Variants in CHD7 observed in about 807,000 individuals in gnomAD.
CHD7 encodes the protein chromodomain helicase DNA binding protein 7, also known as ATP-dependent chromatin remodeler CHD7.
A neutral mutation model predicts 307.3 loss-of-function variants in CHD7; 24 were observed. The ratio of observed to expected loss-of-function variants is 0.08; its 90% CI spans 0.06 to 0.11. CHD7 has a LOEUF of 0.11. Among genes scored for constraint, CHD7 ranks in the 10% least tolerant of loss-of-function variants. The probability of loss-of-function intolerance (pLI) is 1.00; values close to 1 mark genes in which losing one functional copy is unlikely to be tolerated. For missense variants in CHD7, 3,106 were observed against 3,727.1 expected (o/e 0.83, Z 4.34); for synonymous variants, 1,363 against 1,349.9 (o/e 1.01, Z -0.21).
At chr8:60,796,937 A>C (rs532949882) in intron 4 of CHD7, among the ~76,000 whole-genome samples, 2 of 152,354 alleles carry the variant, frequency 1.3e-5, no homozygotes, top group South Asian at 2.1e-4. Flanking sequence ...TTGTGTCACA[A>C]GGTACTGCAA....
Position 60,741,921 on chromosome 8 carries a change from G to A in CHD7, c.489G>A (p.Gln163=). ...AGATACGAGCCCCCTACCAGCAGCA[G>A]CAGCCACAGCCGCAGCCACCGCAGC... ...PDQIRAPYQQ[Q]QPQPQPPQPA... is the part of the protein sequence containing the mutation. Residue 163 remains glutamine, a synonymous_variant, in exon 2 of 38, where the codon CAG becomes CAA. Coordinates refer to ENST00000423902, the MANE Select transcript of CHD7 (RefSeq NM_017780.4). The A allele has an allele frequency of 1.9e-6, 3 of 1,612,906 alleles. No homozygotes were observed. Among genetic ancestry groups the A allele is most frequent in the Non-Finnish European group, 2.5e-6 (3 of 1,179,558 alleles).
chr8:60,741,165 A>G, intron 1 of CHD7, 94 bp from the exon 2 acceptor site: 1 of 473,058 alleles, frequency 2.1e-6, no homozygotes, highest in Non-Finnish European at 3.7e-6. Context: ...GATGGGGACC[A>G]AATTCAGATG....
intron 4 of CHD7, among the ~76,000 whole-genome samples, chr8:60,799,377 G>C (rs1387307887): frequency 2.6e-5 from 4 of 152,176 alleles, no homozygotes; most frequent in Non-Finnish European, 5.9e-5. Context: ...AGAATACCCA[G>C]TTTGCCAGTG....
At chr8:60,691,798 C>T (rs1254641042) in intron 1 of CHD7, among the ~76,000 whole-genome samples, 2 of 152,066 alleles carry the variant, frequency 1.3e-5, no homozygotes, top group Admixed American at 6.5e-5. Context: ...CCAAGAAACT[C>T]GTAAAGTGTG....
At chr8:60,699,855 G>C (rs1319457795) in intron 1 of CHD7, among the ~76,000 whole-genome samples, 2 of 149,418 alleles carry the variant, frequency 1.3e-5, no homozygotes, top group African/African-American at 4.9e-5. Flanking sequence ...TCTTTTTCGA[G>C]ATAGAGTTTT....
At chr8:60,713,261 G>A (rs1049625679) in intron 1 of CHD7, among the ~76,000 whole-genome samples, 1 of 151,826 alleles carries the variant, frequency 6.6e-6, no homozygotes, top group East Asian at 2.0e-4. Flanking sequence ...ACAGGCGTGC[G>A]CCACCACGCT....
At position 60,865,958 on chromosome 8, in the gene CHD7, T is replaced by G; in HGVS notation, c.*25T>G. The G allele has an allele frequency of 6.4e-7, 1 of 1,563,766 alleles. No homozygotes were observed. Among genetic ancestry groups the G allele is most frequent in the Non-Finnish European group, 8.7e-7 (1 of 1,151,244 alleles). On this transcript the variant is annotated 3_prime_UTR_variant, in exon 38 of 38. Coordinates refer to ENST00000423902, the MANE Select transcript of CHD7 (RefSeq NM_017780.4). The surrounding 1 kb of genome is among the most constrained non-coding windows in gnomAD (Gnocchi z 4.3). ...ACCAGTACCAGTTCCAGTTCAAGTG[T>G]TTAAAACTTTTGACAAGTGGTAGTC...
chr8:60,796,862 A>G lies in CHD7; in HGVS notation c.2238+1735A>G, dbSNP rs1005456398. 2.6e-5 allele frequency among the ~76,000 whole-genome samples: 4 copies of G among 152,212 alleles called. No homozygotes were observed. In the South Asian group the frequency reaches 8.3e-4, roughly 32 times the overall value. On this transcript the variant is annotated intron_variant, in intron 4 of 37. Coordinates refer to ENST00000423902, the MANE Select transcript of CHD7 (RefSeq NM_017780.4). ...ACACATGCATGAAGGGCTTAGCATT[A>G]AAATTCTTGAGTTTTGTGATTGATT...
chr8:60,833,064 T>C (rs889530213), intron 15 of CHD7, among the ~76,000 whole-genome samples: 1 of 152,140 alleles, frequency 6.6e-6, no homozygotes, highest in Non-Finnish European at 1.5e-5. Flanking sequence ...TGTGTAGAGG[T>C]TGCTCCAGGG....
intron 21 of CHD7, among the ~76,000 whole-genome samples, chr8:60,842,859 G>A (rs572133368): frequency 6.6e-6 from 1 of 152,266 alleles, no homozygotes; most frequent in Admixed American, 6.5e-5. Flanking sequence ...TCTTTCCCAT[G>A]GGTAGTCCAA....
chr8:60,723,105 A>T (rs1159758810), intron 1 of CHD7, among the ~76,000 whole-genome samples: 2 of 151,864 alleles, frequency 1.3e-5, no homozygotes, highest in Admixed American at 6.6e-5. Context: ...GGCATATTTT[A>T]TTTTTTTTAA....
intron 1 of CHD7, among the ~76,000 whole-genome samples, chr8:60,695,892 ACTT>A (rs1014202078): frequency 1.3e-5 from 2 of 152,092 alleles, no homozygotes; most frequent in South Asian, 2.1e-4. Flanking sequence ...ATAAGTATAA[ACTT>A]CTTTTTTTGT....
At chr8:60,731,562 C>G (rs754981560) in intron 1 of CHD7, among the ~76,000 whole-genome samples, 1 of 152,122 alleles carries the variant, frequency 6.6e-6, no homozygotes, top group Non-Finnish European at 1.5e-5. Flanking sequence ...AAAAATGTTT[C>G]CCAAATTTGT....
chr8:60,837,545 C>A, intron 17 of CHD7, 123 bp from the exon 18 acceptor site: 1 of 811,764 alleles, frequency 1.2e-6, no homozygotes, highest in Non-Finnish European at 1.9e-6. Context: ...GACCTAATTA[C>A]TTCCCTAAGG....
chr8:60,707,438 C>T (rs1015695341), intron 1 of CHD7, among the ~76,000 whole-genome samples: 11 of 152,184 alleles, frequency 7.2e-5, no homozygotes, highest in Admixed American at 3.3e-4. Flanking sequence ...AGTTCACACA[C>T]GTGTTCCCTG....
chr8:60,716,429 T>A (rs981516451), intron 1 of CHD7, among the ~76,000 whole-genome samples: 1 of 152,212 alleles, frequency 6.6e-6, no homozygotes, highest in African/African-American at 2.4e-5. Flanking sequence ...GTCCTTGCTG[T>A]CCTTTAGATG....
intron 1 of CHD7, among the ~76,000 whole-genome samples, chr8:60,724,719 A>G (rs1043663427): frequency 4.6e-5 from 7 of 152,172 alleles, no homozygotes; most frequent in African/African-American, 9.7e-5. Flanking sequence ...AAGCTGTTCT[A>G]AAGTGTTGGA....
chr8:60,754,106 A>G (rs1443333110), intron 2 of CHD7, among the ~76,000 whole-genome samples: 1 of 152,048 alleles, frequency 6.6e-6, no homozygotes, highest in Non-Finnish European at 1.5e-5. Flanking sequence ...TCACCCCTCC[A>G]CTATTCTGTG....
At chr8:60,764,981 G>A (rs1810395334) in intron 2 of CHD7, among the ~76,000 whole-genome samples, 1 of 152,186 alleles carries the variant, frequency 6.6e-6, no homozygotes, top group Non-Finnish European at 1.5e-5. Context: ...AAGGCACTGT[G>A]TTGAGCGCTC....
Sources: allele counts gnomAD v4.1 joint callset (sites outside exome capture counted in the v4.1 genomes callset), GRCh38; gene constraint gnomAD v4.1.1; non-coding constraint Gnocchi (gnomAD v3.1); transcripts MANE v1.5; gene names NCBI Gene and HGNC (gene_info 2026-07-23, HGNC 2026-07-21).